ADGRD1: variants seen among roughly 807,000 people sequenced by gnomAD.
ADGRD1 encodes the protein G-protein coupled receptor 133.
A neutral mutation model predicts 113.4 loss-of-function variants in ADGRD1; 77 were observed. That is an observed-to-expected ratio of 0.68 (90% confidence interval 0.57 to 0.82). The LOEUF is 0.82. Ranked by LOEUF, ADGRD1 falls within the 40% of genes least tolerant of loss-of-function variation. The pLI is 0.00. For missense variants in ADGRD1, 1,036 were observed against 1,139.1 expected (o/e 0.91, Z 1.30); for synonymous variants, 474 against 475.0 (o/e 1.00, Z 0.03).
At chr12:131,030,418 T>C (rs998975866) in intron 13 of ADGRD1, among the ~76,000 whole-genome samples, 7 of 152,210 alleles carry the variant, frequency 4.6e-5, no homozygotes, top group Admixed American at 1.3e-4. Context: ...TCTCCGAGAA[T>C]GCAGCTAGAT....
intron 13 of ADGRD1, among the ~76,000 whole-genome samples, chr12:131,045,124 C>T (rs532392510): frequency 6.2e-4 from 94 of 152,228 alleles, no homozygotes; most frequent in Non-Finnish European, 1.1e-3. Flanking sequence ...CAGGCAGGCA[C>T]ACGCCTCCCA....
chr12:131,031,121 C>T (rs1039631092), intron 13 of ADGRD1, among the ~76,000 whole-genome samples: 10 of 152,204 alleles, frequency 6.6e-5, no homozygotes, highest in African/African-American at 1.7e-4. Flanking sequence ...AGGGGCTGGG[C>T]GGTCTCAACT....
At chr12:131,117,781 G>A (rs1950503733) in intron 18 of ADGRD1, among the ~76,000 whole-genome samples, 1 of 152,242 alleles carries the variant, frequency 6.6e-6, no homozygotes, top group African/African-American at 2.4e-5. Flanking sequence ...TGGACTGTGT[G>A]CATGGCAAAG....
At position 131,004,298 on chromosome 12, in the gene ADGRD1, T is replaced by C; in HGVS notation, c.1255+2T>C. The C allele has an allele frequency of 6.3e-7, 1 of 1,598,720 alleles. No individual in the cohort carries two copies. The highest frequency in any genetic ancestry group is 8.6e-7 in the Non-Finnish European group (1 of 1,166,758). On this transcript the variant is annotated splice_donor_variant, in intron 11 of 24. Transcript: ENST00000261654. LOFTEE classifies it high-confidence loss of function. ...CCCACGAGGCCTTCCACAGGCACGG[T>C]GAGTGTGGCTGCGCTGGACTCCCTT...
intron 4 of ADGRD1, among the ~76,000 whole-genome samples, chr12:130,980,109 C>CTT (rs1294294152): frequency 1.4e-5 from 2 of 144,838 alleles, no homozygotes; most frequent in African/African-American, 2.5e-5. Flanking sequence ...TGCGGTTCCT[C>CTT]TTTTTTTTTT....
intron 4 of ADGRD1, among the ~76,000 whole-genome samples, chr12:130,979,817 T>TCTCA (rs1491498051): frequency 5.6e-5 from 3 of 53,936 alleles, no homozygotes; most frequent in African/African-American, 1.0e-4. Context: ...AGCTAGTGTC[T>TCTCA]CACACACACA....
intron 13 of ADGRD1, among the ~76,000 whole-genome samples, chr12:131,046,496 C>G (rs1188403715): frequency 7.0e-6 from 1 of 142,404 alleles, no homozygotes; most frequent in East Asian, 2.2e-4. Flanking sequence ...TCAGTGTCCT[C>G]CCTGGTCAGT....
intron 20 of ADGRD1, among the ~76,000 whole-genome samples, chr12:131,128,764 T>C (rs1246353867): frequency 6.6e-6 from 1 of 152,168 alleles, no homozygotes; most frequent in East Asian, 1.9e-4. Flanking sequence ...GGGTGTGGCT[T>C]CTTCGCCAAG....
At chr12:131,076,320 A>G (rs1476385689) in intron 13 of ADGRD1, among the ~76,000 whole-genome samples, 2 of 152,208 alleles carry the variant, frequency 1.3e-5, no homozygotes, top group African/African-American at 4.8e-5. Flanking sequence ...AATATGCCAC[A>G]TGGTGATCAA....
At chr12:131,120,761 C>T in intron 19 of ADGRD1, 86 bp from the exon 20 acceptor site, 2 of 1,313,344 alleles carry the variant, frequency 1.5e-6, no homozygotes, top group South Asian at 1.2e-5. Context: ...CTGAGAAAGA[C>T]ATCACCTTAG....
At chr12:130,962,637 A>G (rs987284198) in intron 2 of ADGRD1, 1 of 152,352 alleles carries the variant, frequency 6.6e-6, no homozygotes, top group East Asian at 1.9e-4. Context: ...TTGCATTACA[A>G]TAGTAGAACT....
intron 2 of ADGRD1, among the ~76,000 whole-genome samples, chr12:130,960,436 AT>A: frequency 6.6e-6 from 1 of 152,350 alleles, no homozygotes; most frequent in South Asian, 2.1e-4. Flanking sequence ...TCTTCATAGT[AT>A]TTATAATAGA....
At chr12:131,124,771 C>T (rs1950703304) in intron 20 of ADGRD1, among the ~76,000 whole-genome samples, 2 of 152,158 alleles carry the variant, frequency 1.3e-5, no homozygotes, top group African/African-American at 4.8e-5. Flanking sequence ...TGCCCCTTCT[C>T]GAATTGTTCT....
chr12:131,014,522 C>A lies in ADGRD1; in HGVS notation c.1473+182C>A, dbSNP rs142484461. On this transcript the variant is annotated intron_variant, in intron 13 of 24. Coordinates refer to ENST00000261654, the MANE Select transcript of ADGRD1 (RefSeq NM_198827.5). ...TTTGTTTCTGAGCTGCAGTGGGAGG[C>A]CCCTCGCATAGTGCCTGGGCTGGCC... 3.3e-3 allele frequency among the ~76,000 whole-genome samples: 507 copies of A among 152,340 alleles called. 1 individual carries two copies. Among genetic ancestry groups the A allele is most frequent in the African/African-American group, 0.012 (480 of 41,574 alleles).
intron 2 of ADGRD1, among the ~76,000 whole-genome samples, chr12:130,964,554 C>T (rs543463946): frequency 3.7e-4 from 56 of 152,000 alleles, no homozygotes; most frequent in Admixed American, 1.8e-3. Context: ...GCATGGTGGT[C>T]GGTGCCTGTA....
chr12:131,063,244 TGCA>T (rs1264057733), intron 13 of ADGRD1, among the ~76,000 whole-genome samples: 1 of 152,216 alleles, frequency 6.6e-6, no homozygotes, highest in East Asian at 1.9e-4. Flanking sequence ...TCTCCTTGTC[TGCA>T]GCTTATCTTT....
At chr12:131,069,947 A>G (rs1401947130) in intron 13 of ADGRD1, 1 of 152,210 alleles carries the variant, frequency 6.6e-6, no homozygotes, top group African/African-American at 2.4e-5. Context: ...AGAAATGCCA[A>G]AGTCCCTTGC....
chr12:131,124,683 A>C lies in ADGRD1; in HGVS notation c.2175+3770A>C, dbSNP rs148722282. On this transcript the variant is annotated intron_variant, in intron 20 of 24. Transcript: ENST00000261654. Reference sequence around the variant, plus strand: ...ACACACTGCCCACCGCCCCTTCTCGAATTGTTCTCGGCTGTAACACACACA... The same window carrying C: ...ACACACTGCCCACCGCCCCTTCTCGCATTGTTCTCGGCTGTAACACACACA... Among the ~76,000 whole-genome samples the C allele has an allele frequency of 4.1e-3, 432 of 105,140 alleles. 1 individual carries two copies. The highest frequency in any genetic ancestry group is 0.012 in the African/African-American group (403 of 34,786). The allele number at this position is 105,140 out of a possible 152,430, so 69.0% of individuals were successfully genotyped here.
At chr12:131,055,859 C>T (rs1489107086) in intron 13 of ADGRD1, among the ~76,000 whole-genome samples, 1 of 152,200 alleles carries the variant, frequency 6.6e-6, no homozygotes, top group Non-Finnish European at 1.5e-5. Context: ...TAAAACCACT[C>T]ATCTTTCATG....
Sources: allele counts gnomAD v4.1 joint callset (sites outside exome capture counted in the v4.1 genomes callset), GRCh38; gene constraint gnomAD v4.1.1; transcripts MANE v1.5; gene names NCBI Gene and HGNC (gene_info 2026-07-23, HGNC 2026-07-21).